EPB41L4A: variants seen among roughly 807,000 people sequenced by gnomAD.
EPB41L4A encodes the protein band 4.1-like protein 4A.
Under a neutral mutation model 108.6 loss-of-function variants are expected in EPB41L4A, and 100 were observed. The ratio of observed to expected loss-of-function variants is 0.92; its 90% CI spans 0.78 to 1.09. The LOEUF (loss-of-function observed/expected upper bound fraction) is 1.09, where lower values mean the gene tolerates loss of function less well. Ranked by LOEUF, EPB41L4A falls within the 50% of genes least tolerant of loss-of-function variation. The pLI, the probability that EPB41L4A is intolerant of heterozygous loss-of-function variation, is 0.00. For missense variants in EPB41L4A, 1,030 were observed against 842.7 expected (o/e 1.22, Z -2.75); for synonymous variants, 319 against 289.0 (o/e 1.10, Z -1.05).
At chr5:112,278,496 C>T (rs1752753669) in intron 3 of EPB41L4A, among the ~76,000 whole-genome samples, 1 of 151,930 alleles carries the variant, frequency 6.6e-6, no homozygotes, top group South Asian at 2.1e-4. Flanking sequence ...AGGTGATCCA[C>T]CTGCCTCAGC....
At chr5:112,274,926 G>C (rs1752517529) in intron 4 of EPB41L4A, among the ~76,000 whole-genome samples, 1 of 152,136 alleles carries the variant, frequency 6.6e-6, no homozygotes, top group Admixed American at 6.5e-5. Flanking sequence ...TAATATTTAA[G>C]CTACAACCAA....
chr5:112,225,083 T>A lies in EPB41L4A; in HGVS notation c.1087+9551A>T, dbSNP rs749325976. Among the ~76,000 whole-genome samples, 158 of 152,330 alleles carry A rather than the reference T, an allele frequency of 1.0e-3. 1 individual carries two copies. Among genetic ancestry groups the A allele is most frequent in the Non-Finnish European group, 1.5e-3 (105 of 68,026 alleles). ...GTCTTTTCCCAGTTTCTTTACCCTCTCTTTTCCCAAACATTCCTCCTTGCT... is the reference window on the plus strand; with the variant it reads ...GTCTTTTCCCAGTTTCTTTACCCTCACTTTTCCCAAACATTCCTCCTTGCT... On this transcript the variant is annotated intron_variant, in intron 12 of 22. Coordinates refer to ENST00000261486, the MANE Select transcript of EPB41L4A (RefSeq NM_022140.5).
intron 1 of EPB41L4A, among the ~76,000 whole-genome samples, chr5:112,409,955 G>C (rs1479335016): frequency 6.6e-6 from 1 of 152,184 alleles, no homozygotes; most frequent in Non-Finnish European, 1.5e-5. Context: ...TCACCTCACT[G>C]TATTCCTCCC....
intron 1 of EPB41L4A, among the ~76,000 whole-genome samples, chr5:112,317,196 A>G (rs190025936): frequency 1.3e-5 from 2 of 152,270 alleles, no homozygotes; most frequent in African/African-American, 2.4e-5. Flanking sequence ...AACTTGTTAT[A>G]TGCTTTATGT....
chr5:112,349,751 TG>T (rs1757920713), intron 1 of EPB41L4A, among the ~76,000 whole-genome samples: 1 of 151,902 alleles, frequency 6.6e-6, no homozygotes, highest in Admixed American at 6.6e-5. Context: ...CAAAATGGCA[TG>T]GAAAAGATAA....
intron 13 of EPB41L4A, among the ~76,000 whole-genome samples, chr5:112,145,603 G>A (rs566915932): frequency 8.5e-5 from 13 of 152,312 alleles, no homozygotes; most frequent in East Asian, 3.9e-4. Flanking sequence ...TAGGACACAT[G>A]TAGTGGCCTT....
chr5:112,334,774 T>G (rs1405727224), intron 1 of EPB41L4A, among the ~76,000 whole-genome samples: 1 of 152,184 alleles, frequency 6.6e-6, no homozygotes, highest in East Asian at 1.9e-4. Flanking sequence ...CAGGACCTCC[T>G]GAGGCTGTGT....
chr5:112,302,505 T>G (rs1245037986), intron 2 of EPB41L4A, among the ~76,000 whole-genome samples: 1 of 152,190 alleles, frequency 6.6e-6, no homozygotes, highest in Non-Finnish European at 1.5e-5. Flanking sequence ...CCACACATGT[T>G]AAAGCACTAG....
intron 13 of EPB41L4A, among the ~76,000 whole-genome samples, chr5:112,145,686 T>G (rs945147530): frequency 6.6e-6 from 1 of 152,230 alleles, no homozygotes; most frequent in African/African-American, 2.4e-5. Context: ...GGATCTTGAT[T>G]TGACCATTTA....
intron 17 of EPB41L4A, among the ~76,000 whole-genome samples, chr5:112,189,151 C>T (rs1761567577): frequency 6.6e-6 from 1 of 152,226 alleles, no homozygotes; most frequent in Non-Finnish European, 1.5e-5. Context: ...AGAACAAACT[C>T]ATGTTAGAAA....
At chr5:112,154,747 A>C (rs1759592781) in intron 12 of EPB41L4A, among the ~76,000 whole-genome samples, 2 of 152,322 alleles carry the variant, frequency 1.3e-5, no homozygotes, top group South Asian at 4.1e-4. Context: ...ATCATTGCTA[A>C]AGTGACATAA....
At chr5:112,306,766 A>G (rs955537858) in intron 2 of EPB41L4A, among the ~76,000 whole-genome samples, 1 of 152,084 alleles carries the variant, frequency 6.6e-6, no homozygotes, top group Non-Finnish European at 1.5e-5. Flanking sequence ...TTCATCTCCA[A>G]AGTTTTTCCA....
intron 3 of EPB41L4A, among the ~76,000 whole-genome samples, chr5:112,277,799 A>AT (rs1752708669): frequency 6.6e-6 from 1 of 152,226 alleles, no homozygotes; most frequent in Non-Finnish European, 1.5e-5. Flanking sequence ...CTAGCCAGAT[A>AT]TTTTTTGGCT....
At chr5:112,402,447 T>C (rs1467902266) in intron 1 of EPB41L4A, among the ~76,000 whole-genome samples, 2 of 152,152 alleles carry the variant, frequency 1.3e-5, no homozygotes, top group Non-Finnish European at 2.9e-5. Flanking sequence ...CACAGCAGCC[T>C]TTGCTAACAA....
chr5:112,380,714 T>G (rs981687190), intron 1 of EPB41L4A, among the ~76,000 whole-genome samples: 2 of 151,332 alleles, frequency 1.3e-5, no homozygotes, highest in Non-Finnish European at 2.9e-5. Context: ...GGGAAAAAAA[T>G]GAAATGTCCC....
chr5:112,290,682 T>C (rs1753586172), intron 2 of EPB41L4A, among the ~76,000 whole-genome samples: 1 of 152,224 alleles, frequency 6.6e-6, no homozygotes, highest in South Asian at 2.1e-4. Context: ...AATAAAATCC[T>C]AAATTTGCCA....
chr5:112,155,682 G>A (rs1157039730), intron 12 of EPB41L4A, among the ~76,000 whole-genome samples: 1 of 152,018 alleles, frequency 6.6e-6, no homozygotes, highest in Non-Finnish European at 1.5e-5. Flanking sequence ...AAAACAAGCA[G>A]AAAAGCAATT....
intron 1 of EPB41L4A, among the ~76,000 whole-genome samples, chr5:112,384,237 G>T (rs1389323555): frequency 2.0e-5 from 3 of 152,144 alleles, no homozygotes; most frequent in Non-Finnish European, 4.4e-5. Context: ...CCTTCAGTGG[G>T]TAGACTGATA....
At chr5:112,269,265 TAAA>T (rs917433878) in intron 4 of EPB41L4A, among the ~76,000 whole-genome samples, 2 of 149,178 alleles carry the variant, frequency 1.3e-5, no homozygotes, top group African/African-American at 4.9e-5. Context: ...CTCACTGCAT[TAAA>T]AAAAAAATCA....
Sources: allele counts gnomAD v4.1 joint callset (sites outside exome capture counted in the v4.1 genomes callset), GRCh38; gene constraint gnomAD v4.1.1; transcripts MANE v1.5; gene names NCBI Gene and HGNC (gene_info 2026-07-23, HGNC 2026-07-21).